EGFR: variants seen among roughly 807,000 people sequenced by gnomAD.
The protein encoded by EGFR is epidermal growth factor receptor.
EGFR carries 58 observed loss-of-function variants against 143.0 expected under a neutral mutation model. That is an observed-to-expected ratio of 0.41 (90% CI 0.33 to 0.50). EGFR has a LOEUF of 0.50. Among genes scored for constraint, EGFR ranks in the 20% least tolerant of loss-of-function variants. The pLI is 0.39. For missense variants in EGFR, 1,307 were observed against 1,579.0 expected (o/e 0.83, Z 2.92); for synonymous variants, 613 against 594.4 (o/e 1.03, Z -0.45).
intron 4 of EGFR, among the ~76,000 whole-genome samples, chr7:55,150,237 C>G (rs780993156): frequency 6.6e-6 from 1 of 152,188 alleles, no homozygotes; most frequent in Non-Finnish European, 1.5e-5. Flanking sequence ...TGGGATTGCA[C>G]GCTACAGATC....
intron 15 of EGFR, among the ~76,000 whole-genome samples, chr7:55,169,711 C>T (rs1346600342): frequency 6.6e-6 from 1 of 152,162 alleles, no homozygotes; most frequent in African/African-American, 2.4e-5. Context: ...AGCCCCTCGC[C>T]TTCTGACGCT....
At chr7:55,143,012 A>G (rs1794550799) in intron 2 of EGFR, among the ~76,000 whole-genome samples, 1 of 152,174 alleles carries the variant, frequency 6.6e-6, no homozygotes, top group South Asian at 2.1e-4. Flanking sequence ...TTTAATTTCC[A>G]TTTTCACTGG....
chr7:55,138,803 G>A (rs553920784), intron 1 of EGFR, among the ~76,000 whole-genome samples: 5 of 152,318 alleles, frequency 3.3e-5, no homozygotes, highest in South Asian at 2.1e-4. Flanking sequence ...GAAAATAAAT[G>A]TATTTGGCTC....
chr7:55,054,676 G>A (rs1471236421), intron 1 of EGFR, among the ~76,000 whole-genome samples: 17 of 152,234 alleles, frequency 1.1e-4, no homozygotes, highest in Admixed American at 1.1e-3. Context: ...CACAGAGAGT[G>A]CAGAATGTGT....
intron 27 of EGFR, 146 bp downstream of exon 27, chr7:55,202,771 G>C (rs189075366): frequency 1.3e-6 from 1 of 757,408 alleles, no homozygotes; most frequent in Non-Finnish European, 2.3e-6. Context: ...AGTGAAGGGC[G>C]TAAGGAGCAG....
intron 1 of EGFR, among the ~76,000 whole-genome samples, chr7:55,111,910 T>C (rs1792515052): frequency 6.6e-6 from 1 of 152,204 alleles, no homozygotes; most frequent in Admixed American, 6.5e-5. Flanking sequence ...CAGCATCTCG[T>C]TTAACCAGCA....
chr7:55,127,605 C>CA lies in EGFR; in HGVS notation c.89-14680dup, dbSNP rs1793605386. Among the ~76,000 whole-genome samples, 5 of 152,312 alleles carry CA rather than the reference C, an allele frequency of 3.3e-5. No individual in the cohort carries two copies. In the South Asian group the frequency reaches 1.0e-3, roughly 32 times the overall value. On this transcript the variant is annotated intron_variant, in intron 1 of 27. Transcript: ENST00000275493. ...TAATACGCTTTGAATGGCTGTTCAA[C>CA]AGCATAGAAATTAGCTGAGTAGAAG... is the stretch of plus-strand genomic sequence containing the variant.
At chr7:55,039,406 C>A (rs1439137480) in intron 1 of EGFR, among the ~76,000 whole-genome samples, 1 of 152,166 alleles carries the variant, frequency 6.6e-6, no homozygotes, top group African/African-American at 2.4e-5. Flanking sequence ...GAGAGCTGAA[C>A]ACCTGAAGAC....
At position 55,157,815 on chromosome 7, in the gene EGFR, T is replaced by C; in HGVS notation, c.1298+62T>C. The C allele has an allele frequency of 2.6e-6, 4 of 1,529,906 alleles. No homozygotes were observed. The South Asian group carries it at 4.5e-5, about 17-fold the overall frequency. The allele number at this position is 1,529,906 out of a possible 1,614,324, so 94.8% of individuals were successfully genotyped here. A position where few individuals can be genotyped will look rare whatever the true frequency, so the allele number is the denominator to read the frequency against. On this transcript the variant is annotated intron_variant, in intron 11 of 27. Transcript: ENST00000275493. ...TTGCCTTTTTAGTTGGAAATTAGGC[T>C]TAACAGGAGAGTTGCTAAGATAGGG...
intron 1 of EGFR, among the ~76,000 whole-genome samples, chr7:55,067,513 T>C (rs1410290823): frequency 6.6e-6 from 1 of 151,438 alleles, no homozygotes; most frequent in Non-Finnish European, 1.5e-5. Flanking sequence ...TTAAAAACAT[T>C]TAAGTTTTGA....
At chr7:55,051,639 C>T (rs1788495341) in intron 1 of EGFR, among the ~76,000 whole-genome samples, 1 of 152,148 alleles carries the variant, frequency 6.6e-6, no homozygotes, top group Admixed American at 6.5e-5. Context: ...TATAGAAACA[C>T]AAAATGGACT....
intron 15 of EGFR, chr7:55,170,542 T>C (rs1786295533): frequency 6.8e-6 from 11 of 1,613,254 alleles, no homozygotes; most frequent in Middle Eastern, 1.7e-4. Context: ...CTCCTGCCAC[T>C]GAGCCTCATG....
chr7:55,202,510 C>T lies in EGFR; in HGVS notation c.3163-7C>T, dbSNP rs2128972980. ...CCGGAGTAACCTTCCCTCATTTCCT[C>T]CTGCAGCTGCAAAGCTGTCCCATCA... On this transcript the variant is annotated splice_region_variant and splice_polypyrimidine_tract_variant and intron_variant, in intron 26 of 27. Coordinates refer to ENST00000275493, the MANE Select transcript of EGFR (RefSeq NM_005228.5). 1 of 1,601,082 alleles carries T rather than the reference C, an allele frequency of 6.2e-7. No individual in the cohort carries two copies.
At position 55,174,812 on chromosome 7, in the gene EGFR, A is replaced by G. The variant is rs2128954891; in HGVS notation, c.2275A>G (p.Ile759Val). 1 of 1,613,874 alleles carries G rather than the reference A, an allele frequency of 6.2e-7. No individual in the cohort carries two copies. The highest frequency in any genetic ancestry group is 1.1e-5 in the South Asian group (1 of 91,066). ...EATSPKANKEILDEAYVMASV... is the reference protein window; with the variant it reads ...EATSPKANKEVLDEAYVMASV... Reference sequence around the variant, plus strand: ...AACATCTCCGAAAGCCAACAAGGAAATCCTCGATGTGAGTTTCTGCTTTGC... The same window carrying G: ...AACATCTCCGAAAGCCAACAAGGAAGTCCTCGATGTGAGTTTCTGCTTTGC... The change falls in exon 19 of 28, where the codon ATC becomes GTC. Residue 759 changes from isoleucine (I) to valine (V), a missense_variant. This residue lies in a region of EGFR where 348 missense variants were observed against 451.5 expected (regional missense o/e 0.77). Coordinates refer to ENST00000275493, the MANE Select transcript of EGFR (RefSeq NM_005228.5).
chr7:55,169,123 C>T (rs532907583), intron 15 of EGFR, among the ~76,000 whole-genome samples: 2 of 149,782 alleles, frequency 1.3e-5, no homozygotes, highest in South Asian at 4.3e-4. Context: ...TTTGTCGAGA[C>T]GGAGTCTTGT....
chr7:55,184,822 G>A (rs1467492043), intron 20 of EGFR, among the ~76,000 whole-genome samples: 1 of 152,218 alleles, frequency 6.6e-6, no homozygotes, highest in Non-Finnish European at 1.5e-5. Context: ...GGAGGGAAAT[G>A]AAAACAGTGA....
chr7:55,088,241 A>G (rs1280514963), intron 1 of EGFR, among the ~76,000 whole-genome samples: 17 of 152,148 alleles, frequency 1.1e-4, no homozygotes, highest in Non-Finnish European at 2.4e-4. Flanking sequence ...TTCCACTTGG[A>G]CTTGGCCCTA....
intron 19 of EGFR, among the ~76,000 whole-genome samples, chr7:55,175,142 T>C (rs1786542890): frequency 6.6e-6 from 1 of 152,266 alleles, no homozygotes; most frequent in Non-Finnish European, 1.5e-5. Context: ...TGGTATTTTT[T>C]GGATGAAGAA....
chr7:55,061,495 G>A lies in EGFR; in HGVS notation c.88+42130G>A, dbSNP rs184760399. On this transcript the variant is annotated intron_variant, in intron 1 of 27. Transcript: ENST00000275493. ...AATATGCTTTCATTCAGCTCTCCTC[G>A]TCTCACACCTCTTGCCCTGCATGCA... is the stretch of plus-strand genomic sequence containing the variant. Among the ~76,000 whole-genome samples the A allele has an allele frequency of 1.1e-3, 161 of 152,194 alleles. 1 individual carries two copies. The highest frequency in any genetic ancestry group is 3.6e-3 in the African/African-American group (148 of 41,532).
Sources: allele counts gnomAD v4.1 joint callset (sites outside exome capture counted in the v4.1 genomes callset), GRCh38; gene constraint gnomAD v4.1.1; regional missense constraint gnomAD v4.1.1; transcripts MANE v1.5; gene names NCBI Gene and HGNC (gene_info 2026-07-23, HGNC 2026-07-21).